The following HCN1 variants were observed in gnomAD, a reference collection of about 807,000 sequenced individuals.
The protein encoded by HCN1 is hyperpolarization activated cyclic nucleotide gated potassium channel 1.
HCN1 carries 13 observed loss-of-function variants against 78.9 expected under a neutral mutation model. The observed-to-expected ratio is 0.16, with a 90% CI of 0.11 to 0.26. The LOEUF (loss-of-function observed/expected upper bound fraction) is 0.26, where lower values mean the gene tolerates loss of function less well. HCN1 is among the 10% of genes least tolerant of loss of function. The pLI, the probability that HCN1 is intolerant of heterozygous loss-of-function variation, is 1.00. For missense variants in HCN1, 810 were observed against 1,154.3 expected (o/e 0.70, Z 4.32); for synonymous variants, 552 against 455.5 (o/e 1.21, Z -2.70).
At chr5:45,657,276 C>G (rs1251779807) in intron 1 of HCN1, among the ~76,000 whole-genome samples, 1 of 152,212 alleles carries the variant, frequency 6.6e-6, no homozygotes, top group Admixed American at 6.5e-5. Context: ...CTCCAATTCA[C>G]TACAGTGCCC....
At position 45,342,744 on chromosome 5, in the gene HCN1, T is replaced by G. The variant is rs1746612486; in HGVS notation, c.1377+10356A>C. On this transcript the variant is annotated intron_variant, in intron 5 of 7. Coordinates refer to ENST00000303230, the MANE Select transcript of HCN1 (RefSeq NM_021072.4). The stretch of plus-strand genomic sequence containing the variant: ...AAAAACTTTTAGTGGGTACAGAAAT[T>G]TAGATAAGTTTATAAATGGTGAAGA... Among the ~76,000 whole-genome samples, 3 of 152,150 alleles carry G rather than the reference T, an allele frequency of 2.0e-5. No individual in the cohort carries two copies. The South Asian group carries it at 6.2e-4, about 32-fold the overall frequency.
intron 2 of HCN1, among the ~76,000 whole-genome samples, chr5:45,613,583 A>G (rs1244548322): frequency 1.3e-5 from 2 of 151,900 alleles, no homozygotes; most frequent in East Asian, 3.9e-4. Flanking sequence ...AGAACTGGAA[A>G]TACCATTTGA....
chr5:45,373,736 CTATAA>C (rs1432643232), intron 4 of HCN1, among the ~76,000 whole-genome samples: 1 of 116,462 alleles, frequency 8.6e-6, no homozygotes, highest in Non-Finnish European at 1.7e-5. Flanking sequence ...TATACGTCAT[CTATAA>C]TATATTACAT....
At chr5:45,664,714 G>A (rs1580033090) in intron 1 of HCN1, among the ~76,000 whole-genome samples, 1 of 151,906 alleles carries the variant, frequency 6.6e-6, no homozygotes, top group African/African-American at 2.4e-5. Flanking sequence ...ACCATCACTG[G>A]CCATCAGAGA....
At chr5:45,635,658 G>A (rs1745343391) in intron 2 of HCN1, among the ~76,000 whole-genome samples, 2 of 152,062 alleles carry the variant, frequency 1.3e-5, no homozygotes, top group Admixed American at 6.6e-5. Context: ...CCAACCAAAT[G>A]TATTTCCTTT....
intron 2 of HCN1, among the ~76,000 whole-genome samples, chr5:45,621,248 T>G (rs990022671): frequency 6.6e-6 from 1 of 152,194 alleles, no homozygotes; most frequent in Admixed American, 6.5e-5. Context: ...CAATCTTTAT[T>G]CCAGAAACTG....
chr5:45,513,419 G>C (rs949560229), intron 2 of HCN1, among the ~76,000 whole-genome samples: 3 of 152,100 alleles, frequency 2.0e-5, no homozygotes, highest in African/African-American at 7.2e-5. Context: ...ATAGAATCAA[G>C]ATAATTCCTA....
chr5:45,565,545 T>G (rs555995635), intron 2 of HCN1, among the ~76,000 whole-genome samples: 2 of 152,200 alleles, frequency 1.3e-5, no homozygotes, highest in East Asian at 3.9e-4. Context: ...CAGTCATGCC[T>G]GGCACGGTGG....
intron 2 of HCN1, among the ~76,000 whole-genome samples, chr5:45,611,531 C>T (rs967872301): frequency 8.6e-5 from 13 of 151,864 alleles, no homozygotes; most frequent in Non-Finnish European, 5.9e-5. Flanking sequence ...TTCAGTCTCC[C>T]AAAGTTCTGG....
At chr5:45,584,575 A>C (rs1279419042) in intron 2 of HCN1, among the ~76,000 whole-genome samples, 1 of 152,122 alleles carries the variant, frequency 6.6e-6, no homozygotes, top group Non-Finnish European at 1.5e-5. Context: ...TGTCATTATA[A>C]TGTTAGCTGG....
At chr5:45,363,308 T>G (rs1430651922) in intron 4 of HCN1, among the ~76,000 whole-genome samples, 1 of 151,614 alleles carries the variant, frequency 6.6e-6, no homozygotes, top group Non-Finnish European at 1.5e-5. Context: ...CAGGGCTCTC[T>G]GGGAACTCTA....
intron 1 of HCN1, among the ~76,000 whole-genome samples, chr5:45,689,244 CT>C (rs1440758215): frequency 1.3e-5 from 2 of 151,846 alleles, no homozygotes; most frequent in East Asian, 3.9e-4. Flanking sequence ...ACATGTTTAC[CT>C]ATTTAACAAA....
At chr5:45,503,945 C>T (rs1318112719) in intron 2 of HCN1, among the ~76,000 whole-genome samples, 1 of 151,802 alleles carries the variant, frequency 6.6e-6, no homozygotes, top group Non-Finnish European at 1.5e-5. Context: ...ACCACCACAC[C>T]CAGCTAATTT....
intron 5 of HCN1, among the ~76,000 whole-genome samples, chr5:45,312,374 AT>A (rs1428247620): frequency 6.6e-6 from 1 of 152,148 alleles, no homozygotes; most frequent in Non-Finnish European, 1.5e-5. Flanking sequence ...ATATAAAAGT[AT>A]TTGCTGGGGG....
chr5:45,540,960 C>T (rs979283609), intron 2 of HCN1, among the ~76,000 whole-genome samples: 1 of 152,024 alleles, frequency 6.6e-6, no homozygotes, highest in Non-Finnish European at 1.5e-5. Flanking sequence ...TGTCTTTCTT[C>T]TATATAATGG....
In HCN1 at chr5:45,267,089, C is replaced by T; in HGVS notation, c.1783G>A (p.Gly595Arg). Residue 595 changes from glycine to arginine, a missense_variant and splice_region_variant, in exon 7 of 8, where the codon GGA (glycine) becomes AGA (arginine). Transcript: ENST00000303230. ...TVAIDRLDRI[G>R]KKNSILLQKF... ...TAAAGAAGGTAGAAAACTAGAGTAC[C>T]TATTCGATCTAGTCGGTCAATGGCA... is the stretch of plus-strand genomic sequence containing the variant. 1 of 1,608,784 alleles carries T rather than the reference C, an allele frequency of 6.2e-7. No homozygotes were observed. The highest frequency in any genetic ancestry group is 8.5e-7 in the Non-Finnish European group (1 of 1,175,244).
chr5:45,576,938 G>A (rs1743958371), intron 2 of HCN1, among the ~76,000 whole-genome samples: 1 of 151,886 alleles, frequency 6.6e-6, no homozygotes, highest in Admixed American at 6.6e-5. Context: ...GGTATGCTAA[G>A]GCTTTTAACC....
chr5:45,396,078 A>C (rs74841067), intron 4 of HCN1, among the ~76,000 whole-genome samples: 1 of 151,934 alleles, frequency 6.6e-6, no homozygotes, highest in Non-Finnish European at 1.5e-5. Flanking sequence ...ATTATAGATG[A>C]GGGGGGGTAC....
At chr5:45,375,058 A>ATATATATATAATATATTATATATAAT (rs1561130950) in intron 4 of HCN1, among the ~76,000 whole-genome samples, 1 of 128,146 alleles carries the variant, frequency 7.8e-6, no homozygotes, top group African/African-American at 2.9e-5. Context: ...GGAATTTTAT[A>ATATATATATAATATATTATATATAAT]TATATATATA....
Sources: gnomAD v4.1 joint callset for allele counts (sites outside exome capture counted in the v4.1 genomes callset) on GRCh38, gnomAD v4.1.1 for gene constraint, MANE v1.5 for transcripts, NCBI Gene and HGNC (gene_info 2026-07-23, HGNC 2026-07-21) for gene names.